Variants in SLC35E1 observed in about 807,000 individuals in gnomAD.
SLC35E1 encodes solute carrier family 35 member E1, also known as solute carrier family 35, member E1.
A neutral mutation model predicts 31.0 loss-of-function variants in SLC35E1; 12 were observed. That is an observed-to-expected ratio of 0.39 (90% CI 0.25 to 0.63). The LOEUF is 0.63. Ranked by LOEUF, SLC35E1 falls within the 20% of genes least tolerant of loss-of-function variation. The probability of loss-of-function intolerance (pLI) is 0.52; values close to 1 mark genes in which losing one functional copy is unlikely to be tolerated. For synonymous variants in SLC35E1, 257 were observed against 264.1 expected (o/e 0.97, Z 0.26); for missense variants, 429 against 572.2 (o/e 0.75, Z 2.55).
chr19:16,570,643 C>T (rs866204296), intron 2 of SLC35E1, among the ~76,000 whole-genome samples: 1 of 152,188 alleles, frequency 6.6e-6, no homozygotes, highest in South Asian at 2.1e-4. Context: ...CCTTATGCAG[C>T]CCTGAGTCCT....
chr19:16,570,558 C>T (rs1198728302), intron 2 of SLC35E1, among the ~76,000 whole-genome samples: 1 of 152,200 alleles, frequency 6.6e-6, no homozygotes, highest in African/African-American at 2.4e-5. Context: ...AAAGCCATGG[C>T]TATTCTTGCC....
intron 3 of SLC35E1, among the ~76,000 whole-genome samples, 157 bp from the exon 4 acceptor site, chr19:16,566,814 C>T (rs2085934781): frequency 6.6e-6 from 1 of 152,204 alleles, no homozygotes; most frequent in Non-Finnish European, 1.5e-5. Context: ...ATACACAGCA[C>T]AGGCCTGAAA....
intron 1 of SLC35E1, 89 bp from the exon 2 acceptor site, chr19:16,571,671 C>T: frequency 7.3e-7 from 1 of 1,371,542 alleles, no homozygotes. Flanking sequence ...GAGGGCCTGG[C>T]AGCCCCTCAC....
chr19:16,560,881 C>A (rs868763759), intron 4 of SLC35E1, among the ~76,000 whole-genome samples: 6,342 of 67,290 alleles, frequency 0.094, 286 homozygotes, highest in South Asian at 0.11. Flanking sequence ...AAAAAAAAAC[C>A]AAAAAAAAAA....
At chr19:16,561,213 C>CAAAAAAAAAAAAAAAAAAAAAAAAAAAAA (rs59176175) in intron 4 of SLC35E1, among the ~76,000 whole-genome samples, 19 of 24,744 alleles carry the variant, frequency 7.7e-4, no homozygotes, top group Middle Eastern at 0.038. Context: ...GACTCCATCT[C>CAAAAAAAAAAAAAAAAAAAAAAAAAAAAA]AAAAAAAAAA....
At chr19:16,557,934 C>G (rs899672265) in intron 4 of SLC35E1, among the ~76,000 whole-genome samples, 2 of 152,206 alleles carry the variant, frequency 1.3e-5, no homozygotes, top group Admixed American at 1.3e-4. Context: ...CTGCCTCAGC[C>G]TCCCGCATAG....
intron 4 of SLC35E1, among the ~76,000 whole-genome samples, chr19:16,561,617 G>A (rs958739588): frequency 2.6e-5 from 4 of 152,204 alleles, no homozygotes; most frequent in African/African-American, 9.6e-5. Flanking sequence ...TGGGCCAGGC[G>A]TCTCTGGGAA....
intron 1 of SLC35E1, 69 bp downstream of exon 1, chr19:16,571,875 C>T: frequency 6.8e-7 from 1 of 1,467,350 alleles, no homozygotes; most frequent in Non-Finnish European, 9.2e-7. Flanking sequence ...GCGGCGCACT[C>T]CTATCCATGC....
intron 3 of SLC35E1, 130 bp downstream of exon 3, chr19:16,567,902 G>A: frequency 6.9e-6 from 9 of 1,299,604 alleles, no homozygotes; most frequent in Non-Finnish European, 9.3e-6. Context: ...AAAATCAGCA[G>A]AATGGCAATC....
chr19:16,560,579 C>G (rs965167824), intron 4 of SLC35E1, among the ~76,000 whole-genome samples: 2 of 152,110 alleles, frequency 1.3e-5, no homozygotes, highest in Non-Finnish European at 2.9e-5. Flanking sequence ...ACCTAACAGA[C>G]AGCCGGGCGT....
Position 16,561,213 on chromosome 19 carries a change from C to CAAAAAAAAAAAAAAAAAAAAAAAAAAAA in SLC35E1, c.756+5291_756+5318dup, listed in dbSNP as rs59176175. Among the ~76,000 whole-genome samples, 20 of 24,744 alleles carry CAAAAAAAAAAAAAAAAAAAAAAAAAAAA rather than the reference C, an allele frequency of 8.1e-4. 1 individual carries two copies. The highest frequency in any genetic ancestry group is 1.5e-3 in the East Asian group (1 of 660). 16.2% of individuals were successfully genotyped at this position (24,744 alleles called of 152,430 possible). On this transcript the variant is annotated intron_variant, in intron 4 of 5. Coordinates refer to ENST00000595753, the MANE Select transcript of SLC35E1 (RefSeq NM_024881.5). ...TGGGCAACAGATCAAGACTCCATCT[C>CAAAAAAAAAAAAAAAAAAAAAAAAAAAA]AAAAAAAAAAAAAAAAAAAAAAAAA...
chr19:16,561,945 T>C (rs552699773), intron 4 of SLC35E1, among the ~76,000 whole-genome samples: 5 of 152,210 alleles, frequency 3.3e-5, no homozygotes, highest in African/African-American at 1.2e-4. Context: ...CCCAGCACTT[T>C]GAGAGGCCAA....
chr19:16,566,252 G>C (rs2085931765), intron 4 of SLC35E1: 1 of 399,680 alleles, frequency 2.5e-6, no homozygotes, highest in Admixed American at 4.1e-5. Flanking sequence ...GTCAGGAGGT[G>C]AAAGAGTCAC....
chr19:16,555,233 C>T lies in SLC35E1; in HGVS notation c.921G>A (p.Leu307=). Residue 307 remains leucine (L), a synonymous_variant, in exon 5 of 6, where the codon CTG becomes CTA. Transcript: ENST00000595753. The surrounding 1 kb of genome is among the most constrained non-coding windows in gnomAD (Gnocchi z 4.1). ...TKRIMVITVS[L]IMLRNPVTST... ...TGGTGACTGGGTTGCGCAGCATGATCAGGGACACCGTGATGACCATGATTC... is the reference window on the plus strand; with the variant it reads ...TGGTGACTGGGTTGCGCAGCATGATTAGGGACACCGTGATGACCATGATTC... 2 of 1,614,190 alleles carry T rather than the reference C, an allele frequency of 1.2e-6. No individual in the cohort carries two copies. Among genetic ancestry groups the T allele is most frequent in the South Asian group, 1.1e-5 (1 of 91,080 alleles).
intron 4 of SLC35E1, among the ~76,000 whole-genome samples, chr19:16,561,091 G>C (rs1201843187): frequency 6.7e-6 from 1 of 150,016 alleles, no homozygotes; most frequent in Non-Finnish European, 1.5e-5. Context: ...GCATGTGCCT[G>C]TAATCCCAGC....
chr19:16,561,709 GC>G (rs1485669584), intron 4 of SLC35E1, among the ~76,000 whole-genome samples: 7 of 152,276 alleles, frequency 4.6e-5, no homozygotes, highest in African/African-American at 1.7e-4. Context: ...TCCTCTTCCC[GC>G]CTGTTCTGGA....
chr19:16,550,142 G>C lies in SLC35E1; in HGVS notation c.*3537C>G, dbSNP rs1191031721. 6.6e-6 allele frequency: 1 copy of C among 152,158 alleles called. No homozygotes were observed. Among genetic ancestry groups the C allele is most frequent in the Non-Finnish European group, 1.5e-5 (1 of 68,034 alleles). The allele number at this position is 152,158 out of a possible 1,614,324, so 9.4% of individuals were successfully genotyped here. ...GAACGGATCTGGCCCCTTTGTGGTA[G>C]GGGCTTGACTGTTCCTAGAATGAAT... On this transcript the variant is annotated 3_prime_UTR_variant, in exon 6 of 6. Coordinates refer to ENST00000595753, the MANE Select transcript of SLC35E1 (RefSeq NM_024881.5).
chr19:16,550,803 T>C lies in SLC35E1; in HGVS notation c.*2876A>G, dbSNP rs542842254. The C allele has an allele frequency of 3.9e-5, 6 of 152,342 alleles. No homozygotes were observed. The highest frequency in any genetic ancestry group is 1.4e-4 in the African/African-American group (6 of 41,574). 9.4% of individuals were successfully genotyped at this position (152,342 alleles called of 1,614,324 possible). A position where few individuals can be genotyped will look rare whatever the true frequency, so the allele number is the denominator to read the frequency against. On this transcript the variant is annotated 3_prime_UTR_variant, in exon 6 of 6. Transcript: ENST00000595753. ...TTTGTCTTTTGATCTGCTGATTTGG[T>C]GTAACGTGATTGCCTCATTCATTCC...
intron 4 of SLC35E1, chr19:16,556,991 G>A: frequency 2.1e-6 from 1 of 471,120 alleles, no homozygotes; most frequent in South Asian, 1.5e-5. Flanking sequence ...ATATATATGA[G>A]CCCACCAGGA....
Sources: allele counts gnomAD v4.1 joint callset (sites outside exome capture counted in the v4.1 genomes callset), GRCh38; gene constraint gnomAD v4.1.1; non-coding constraint Gnocchi (gnomAD v3.1); transcripts MANE v1.5; gene names NCBI Gene and HGNC (gene_info 2026-07-23, HGNC 2026-07-21).